Variants in XKR4 observed in about 807,000 individuals in gnomAD.
XKR4 encodes the protein XK related 4.
Under a neutral mutation model 53.9 loss-of-function variants are expected in XKR4, and 12 were observed. That is an observed-to-expected ratio of 0.22 (90% CI 0.14 to 0.36). The LOEUF (loss-of-function observed/expected upper bound fraction) is 0.36. Ranked by LOEUF, XKR4 falls within the 10% of genes least tolerant of loss-of-function variation. The pLI, the probability that XKR4 is intolerant of heterozygous loss-of-function variation, is 1.00. For missense variants in XKR4, 799 were observed against 859.5 expected (o/e 0.93, Z 0.88); for synonymous variants, 354 against 362.4 (o/e 0.98, Z 0.26).
intron 1 of XKR4, among the ~76,000 whole-genome samples, chr8:55,271,268 C>T (rs1818687095): frequency 6.6e-6 from 1 of 151,850 alleles, no homozygotes; most frequent in Non-Finnish European, 1.5e-5. Flanking sequence ...AACATAATAC[C>T]TTAAAGTGAA....
intron 2 of XKR4, 80 bp from the exon 3 acceptor site, chr8:55,523,201 A>G (rs1372655294): frequency 7.7e-7 from 1 of 1,298,470 alleles, no homozygotes; most frequent in Non-Finnish European, 1.0e-6. Context: ...GCCTTCCCCA[A>G]GCCCCCAGCT....
Position 55,102,994 on chromosome 8 carries a change from A to T in XKR4, c.506A>T (p.His169Leu). ...GTGTTCAGCTTCCGCTGGTTTGTGC[A>T]CGATTTCAGCACCGAGGACAGCGCC... The part of the protein sequence containing the change: ...VQVFSFRWFV[H>L]DFSTEDSATA... Residue 169 changes from histidine (H) to leucine (L), a missense_variant, in exon 1 of 3, where the codon CAC becomes CTC. Physicochemically the swap from His to Leu is moderately conservative, Grantham distance 99 (BLOSUM62 -3). This residue lies in a region of XKR4 where 476 missense variants were observed against 505.4 expected (regional missense o/e 0.94). Transcript: ENST00000327381. The surrounding 1 kb of genome is among the most constrained non-coding windows in gnomAD (Gnocchi z 5.1). 1.2e-6 allele frequency: 2 copies of T among 1,612,186 alleles called. No homozygotes were observed. Among genetic ancestry groups the T allele is most frequent in the Non-Finnish European group, 1.7e-6 (2 of 1,179,886 alleles).
At chr8:55,449,877 G>C in intron 2 of XKR4, 1 of 932,654 alleles carries the variant, frequency 1.1e-6, no homozygotes, top group Non-Finnish European at 1.8e-6. Context: ...TAAGGGTGCT[G>C]GTGCTGCCGC....
chr8:55,317,280 A>G (rs1248517599), intron 1 of XKR4, among the ~76,000 whole-genome samples: 4 of 152,184 alleles, frequency 2.6e-5, no homozygotes, highest in African/African-American at 9.6e-5. Context: ...GTAGCATTGA[A>G]TTAGTCTGAG....
chr8:55,424,626 G>A (rs762797894), intron 2 of XKR4, among the ~76,000 whole-genome samples: 3 of 152,190 alleles, frequency 2.0e-5, no homozygotes, highest in African/African-American at 4.8e-5. Flanking sequence ...TCAACCACAC[G>A]TCAGTATCAC....
intron 1 of XKR4, among the ~76,000 whole-genome samples, chr8:55,192,123 A>G (rs1320905314): frequency 1.3e-5 from 2 of 151,160 alleles, no homozygotes; most frequent in Admixed American, 6.6e-5. Context: ...TTTCACTACT[A>G]TATACTTTTG....
intron 1 of XKR4, among the ~76,000 whole-genome samples, chr8:55,300,724 G>T (rs887048200): frequency 4.6e-5 from 7 of 152,076 alleles, no homozygotes; most frequent in Non-Finnish European, 1.0e-4. Flanking sequence ...AAATGTGGGG[G>T]AATAAGGTGC....
intron 1 of XKR4, among the ~76,000 whole-genome samples, chr8:55,296,538 T>C (rs562315788): frequency 2.0e-5 from 3 of 152,286 alleles, no homozygotes; most frequent in East Asian, 3.9e-4. Flanking sequence ...ACTATTTTTT[T>C]TCTTATGGAG....
At chr8:55,511,252 T>C (rs563966093) in intron 2 of XKR4, among the ~76,000 whole-genome samples, 2 of 152,268 alleles carry the variant, frequency 1.3e-5, no homozygotes, top group East Asian at 1.9e-4. Context: ...CAATTCTATA[T>C]TCAAGATCCT....
chr8:55,375,028 A>G (rs191735683), intron 2 of XKR4, among the ~76,000 whole-genome samples: 1 of 152,190 alleles, frequency 6.6e-6, no homozygotes, highest in African/African-American at 2.4e-5. Context: ...GCAACCAGCA[A>G]TGGGTGGAGC....
intron 1 of XKR4, among the ~76,000 whole-genome samples, chr8:55,169,526 C>G (rs1817120493): frequency 6.6e-6 from 1 of 152,206 alleles, no homozygotes; most frequent in African/African-American, 2.4e-5. Context: ...GCCAGGTGGG[C>G]AAGGACCCAG....
intron 1 of XKR4, among the ~76,000 whole-genome samples, chr8:55,176,940 A>G (rs1324129455): frequency 2.6e-5 from 4 of 152,110 alleles, no homozygotes; most frequent in Non-Finnish European, 5.9e-5. Flanking sequence ...GCGCAGCCAA[A>G]TCACAAAAGT....
chr8:55,140,605 T>G (rs1816689840), intron 1 of XKR4, among the ~76,000 whole-genome samples: 1 of 152,222 alleles, frequency 6.6e-6, no homozygotes, highest in Admixed American at 6.5e-5. Context: ...ACTTCTGAGT[T>G]TGTTGTTGTT....
intron 2 of XKR4, among the ~76,000 whole-genome samples, chr8:55,412,544 A>G (rs972275547): frequency 1.3e-5 from 2 of 152,164 alleles, no homozygotes; most frequent in Non-Finnish European, 2.9e-5. Flanking sequence ...CTTGATGCAC[A>G]CTGCCCCTTC....
At chr8:55,142,559 A>C (rs1045421817) in intron 1 of XKR4, among the ~76,000 whole-genome samples, 1 of 152,266 alleles carries the variant, frequency 6.6e-6, no homozygotes, top group Non-Finnish European at 1.5e-5. Context: ...TTTTTATTTC[A>C]AGTGTACCAT....
At chr8:55,423,228 T>C (rs2129392675) in intron 2 of XKR4, among the ~76,000 whole-genome samples, 1 of 152,198 alleles carries the variant, frequency 6.6e-6, no homozygotes, top group Non-Finnish European at 1.5e-5. Context: ...CCTGAGTAGA[T>C]AGGATTACAG....
At chr8:55,326,520 G>A (rs1803297119) in intron 1 of XKR4, among the ~76,000 whole-genome samples, 1 of 133,040 alleles carries the variant, frequency 7.5e-6, no homozygotes, top group Admixed American at 8.6e-5. Flanking sequence ...ACCCAGGTTG[G>A]AGTGCAGTGG....
intron 1 of XKR4, among the ~76,000 whole-genome samples, chr8:55,182,676 C>A (rs560496206): frequency 1.6e-4 from 25 of 152,234 alleles, no homozygotes; most frequent in Non-Finnish European, 3.1e-4. Flanking sequence ...TTTACCAATA[C>A]CACATAGTTT....
At chr8:55,352,180 T>A (rs879904664) in intron 1 of XKR4, among the ~76,000 whole-genome samples, 11 of 152,208 alleles carry the variant, frequency 7.2e-5, no homozygotes, top group Non-Finnish European at 1.3e-4. Flanking sequence ...GAATGGCCAG[T>A]TTTACCCGGG....
Sources: allele counts gnomAD v4.1 joint callset (sites outside exome capture counted in the v4.1 genomes callset), GRCh38; gene constraint gnomAD v4.1.1; regional missense constraint gnomAD v4.1.1; non-coding constraint Gnocchi (gnomAD v3.1); transcripts MANE v1.5; gene names NCBI Gene and HGNC (gene_info 2026-07-23, HGNC 2026-07-21).